The following WWOX variants were observed in gnomAD, a reference collection of about 807,000 sequenced individuals.
WWOX encodes WW domain-containing oxidoreductase.
WWOX carries 69 observed loss-of-function variants against 46.2 expected under a neutral mutation model. The observed-to-expected ratio is 1.49, with a 90% CI of 1.23 to 1.82. WWOX has a LOEUF of 1.82. Ranked by LOEUF, WWOX falls within the 40% of genes most tolerant of loss-of-function variation. WWOX has a pLI of 0.00. For missense variants in WWOX, 919 were observed against 542.6 expected (o/e 1.69, Z -6.89); for synonymous variants, 359 against 202.6 (o/e 1.77, Z -6.56).
chr16:79,068,480 T>C (rs1200873491), intron 8 of WWOX, among the ~76,000 whole-genome samples: 1 of 151,970 alleles, frequency 6.6e-6, no homozygotes, highest in Non-Finnish European at 1.5e-5. Flanking sequence ...CACATGGTTT[T>C]CAGAAAGCAC....
chr16:79,006,286 T>C (rs926632694), intron 8 of WWOX, among the ~76,000 whole-genome samples: 1 of 151,968 alleles, frequency 6.6e-6, no homozygotes, highest in Non-Finnish European at 1.5e-5. Context: ...GAGGAGAAGA[T>C]GTGAAGCGCG....
At chr16:78,951,413 C>A (rs117315992) in intron 8 of WWOX, among the ~76,000 whole-genome samples, 7,613 of 152,172 alleles carry the variant, frequency 0.05, 295 homozygotes, top group South Asian at 0.075. Context: ...GAGCCAATCA[C>A]CGTCTTTCTG....
At chr16:78,444,407 G>A (rs1218935668) in intron 8 of WWOX, among the ~76,000 whole-genome samples, 1 of 152,024 alleles carries the variant, frequency 6.6e-6, no homozygotes, top group Non-Finnish European at 1.5e-5. Context: ...GACTAACATG[G>A]GCCCACAGAC....
At chr16:78,314,701 G>GTTTTTTTGTTTT (rs2080322590) in intron 5 of WWOX, among the ~76,000 whole-genome samples, 33 of 61,292 alleles carry the variant, frequency 5.4e-4, no homozygotes, top group African/African-American at 1.5e-3. Context: ...TTTTTTTTTT[G>GTTTTTTTGTTTT]TTTTTTTTTT....
chr16:78,568,698 T>A (rs1286290899), intron 8 of WWOX, among the ~76,000 whole-genome samples: 1 of 152,030 alleles, frequency 6.6e-6, no homozygotes, highest in Non-Finnish European at 1.5e-5. Context: ...TGGTGTCGAT[T>A]TCCTGACCTT....
chr16:78,413,117 G>A lies in WWOX; in HGVS notation c.606-11753G>A, dbSNP rs373752969. ...GCTGATTTATCAAGACGGGGGTACT[G>A]CAAATAGAGAAAGAATTTAATCCAC... is the stretch of plus-strand genomic sequence containing the variant. On this transcript the variant is annotated intron_variant, in intron 6 of 8. Coordinates refer to ENST00000566780, the MANE Select transcript of WWOX (RefSeq NM_016373.4). 1.8e-4 allele frequency among the ~76,000 whole-genome samples: 28 copies of A among 152,166 alleles called. 1 individual carries two copies. Among genetic ancestry groups the A allele is most frequent in the Non-Finnish European group, 1.0e-4 (7 of 68,042 alleles).
At chr16:78,682,810 C>T (rs534859482) in intron 8 of WWOX, among the ~76,000 whole-genome samples, 1 of 152,330 alleles carries the variant, frequency 6.6e-6, no homozygotes, top group East Asian at 1.9e-4. Flanking sequence ...TTGTCCACAG[C>T]ATGGGACAAA....
chr16:78,175,735 A>G (rs1365069747), intron 5 of WWOX, among the ~76,000 whole-genome samples: 1 of 152,172 alleles, frequency 6.6e-6, no homozygotes, highest in Non-Finnish European at 1.5e-5. Context: ...TGAATCCTTG[A>G]CCCACAAAAT....
At chr16:78,936,527 G>A (rs943508742) in intron 8 of WWOX, among the ~76,000 whole-genome samples, 2 of 152,158 alleles carry the variant, frequency 1.3e-5, no homozygotes, top group Admixed American at 6.5e-5. Context: ...ACTCATGCCA[G>A]TGGTAAAGTT....
At chr16:79,119,229 A>C (rs897338309) in intron 8 of WWOX, among the ~76,000 whole-genome samples, 2 of 152,222 alleles carry the variant, frequency 1.3e-5, no homozygotes, top group Admixed American at 6.5e-5. Flanking sequence ...TAAACAAACA[A>C]ATGGTGTGTT....
chr16:78,661,605 C>T (rs1052794053), intron 8 of WWOX, among the ~76,000 whole-genome samples: 1 of 147,274 alleles, frequency 6.8e-6, no homozygotes, highest in Non-Finnish European at 1.5e-5. Flanking sequence ...TGTTGACAGC[C>T]CTGTAATAAA....
At chr16:78,812,853 C>T (rs1355362926) in intron 8 of WWOX, among the ~76,000 whole-genome samples, 1 of 152,068 alleles carries the variant, frequency 6.6e-6, no homozygotes, top group African/African-American at 2.4e-5. Context: ...AAATATTTTC[C>T]CCTGTCTTAT....
At chr16:79,067,742 A>G (rs1044945317) in intron 8 of WWOX, among the ~76,000 whole-genome samples, 2 of 152,008 alleles carry the variant, frequency 1.3e-5, no homozygotes, top group African/African-American at 2.4e-5. Context: ...CGCTGTGCCT[A>G]TGGTAGTGCC....
intron 8 of WWOX, among the ~76,000 whole-genome samples, chr16:78,869,467 C>G (rs1161023315): frequency 2.0e-5 from 3 of 152,234 alleles, no homozygotes; most frequent in Admixed American, 2.0e-4. Context: ...GAAGTGCACA[C>G]AGCCCTCCCT....
intron 8 of WWOX, among the ~76,000 whole-genome samples, chr16:79,139,171 C>G (rs991149773): frequency 6.6e-6 from 1 of 152,126 alleles, no homozygotes; most frequent in Non-Finnish European, 1.5e-5. Flanking sequence ...TAATAATAAT[C>G]ATACCTGGGA....
At chr16:78,774,496 TTGTGTGTGTGTGTGTGTG>T (rs58003207) in intron 8 of WWOX, among the ~76,000 whole-genome samples, 3 of 149,422 alleles carry the variant, frequency 2.0e-5, no homozygotes, top group South Asian at 2.2e-4. Context: ...CAGACCCATT[TTGTGTGTGTGTGTGTGTG>T]TGTGTGTGTG....
chr16:78,424,490 TACAG>T (rs1373706638), intron 6 of WWOX, among the ~76,000 whole-genome samples: 1 of 152,208 alleles, frequency 6.6e-6, no homozygotes, highest in Admixed American at 6.5e-5. Context: ...TATTTTGATT[TACAG>T]ACAAAGTGAG....
intron 8 of WWOX, among the ~76,000 whole-genome samples, chr16:78,445,249 A>G (rs554516579): frequency 2.6e-5 from 4 of 152,272 alleles, no homozygotes; most frequent in African/African-American, 7.2e-5. Context: ...TATTTCCACA[A>G]AGGATTTGGG....
At chr16:78,683,546 A>T (rs2047780466) in intron 8 of WWOX, among the ~76,000 whole-genome samples, 1 of 93,062 alleles carries the variant, frequency 1.1e-5, no homozygotes, top group South Asian at 5.4e-4. Flanking sequence ...TCTCAAAAAA[A>T]AATAATAAAA....
Sources: gnomAD v4.1 joint callset for allele counts (sites outside exome capture counted in the v4.1 genomes callset) on GRCh38, gnomAD v4.1.1 for gene constraint, MANE v1.5 for transcripts, NCBI Gene and HGNC (gene_info 2026-07-23, HGNC 2026-07-21) for gene names.